The following SNAP91 variants were observed in gnomAD, a reference collection of about 807,000 sequenced individuals.
The protein encoded by SNAP91 is clathrin coat assembly protein AP180.
SNAP91 carries 27 observed loss-of-function variants against 100.3 expected under a neutral mutation model. That is an observed-to-expected ratio of 0.27 (90% confidence interval 0.20 to 0.37). The LOEUF (loss-of-function observed/expected upper bound fraction) is 0.37. SNAP91 is among the 10% of genes least tolerant of loss of function. SNAP91 has a pLI of 1.00. For synonymous variants in SNAP91, 404 were observed against 398.6 expected, an observed-to-expected ratio of 1.01 and a Z score of -0.16; for missense variants, 986 against 1,123.7, an observed-to-expected ratio of 0.88 and a Z score of 1.75.
chr6:83,627,310 C>CT (rs950811630), intron 8 of SNAP91, among the ~76,000 whole-genome samples: 72 of 151,568 alleles, frequency 4.8e-4, no homozygotes, highest in Non-Finnish European at 9.3e-4. Flanking sequence ...TTGTAGTTTT[C>CT]TTTTTTTTGT....
intron 2 of SNAP91, among the ~76,000 whole-genome samples, chr6:83,683,987 G>A (rs2099026814): frequency 1.3e-5 from 2 of 152,172 alleles, no homozygotes; most frequent in Non-Finnish European, 2.9e-5. Flanking sequence ...ACTATCTTCT[G>A]TGAGGATCAC....
intron 16 of SNAP91, among the ~76,000 whole-genome samples, chr6:83,599,199 T>C (rs773804658): frequency 5.3e-5 from 8 of 152,168 alleles, no homozygotes; most frequent in Non-Finnish European, 1.0e-4. Context: ...AAAAACAGCA[T>C]AATGGCATGA....
At chr6:83,608,823 G>C (rs558312869) in intron 12 of SNAP91, among the ~76,000 whole-genome samples, 67 of 152,278 alleles carry the variant, frequency 4.4e-4, no homozygotes, top group Admixed American at 1.4e-3. Context: ...CAAGCATTTA[G>C]CACTTCAAGA....
At chr6:83,675,569 A>G (rs897350042) in intron 2 of SNAP91, among the ~76,000 whole-genome samples, 6 of 152,118 alleles carry the variant, frequency 3.9e-5, no homozygotes, top group East Asian at 1.9e-4. Flanking sequence ...TTGTTCCCCA[A>G]TAGGATTTTG....
chr6:83,640,703 A>G (rs1696147817), intron 8 of SNAP91, among the ~76,000 whole-genome samples: 2 of 152,184 alleles, frequency 1.3e-5, no homozygotes. Context: ...ATGATTTATC[A>G]TTTACATGCT....
intron 2 of SNAP91, among the ~76,000 whole-genome samples, chr6:83,689,151 T>C (rs1039325024): frequency 7.9e-5 from 12 of 152,054 alleles, no homozygotes; most frequent in Admixed American, 5.2e-4. Flanking sequence ...TCTGCAACAT[T>C]AGGGACAAAG....
chr6:83,594,259 T>C (rs563847792), intron 17 of SNAP91, 115 bp downstream of exon 17: 1 of 757,090 alleles, frequency 1.3e-6, no homozygotes, highest in South Asian at 1.6e-5. Flanking sequence ...TTATGATGAA[T>C]GATACTTTAC....
chr6:83,609,203 A>G (rs528354926), intron 12 of SNAP91, among the ~76,000 whole-genome samples: 5 of 152,300 alleles, frequency 3.3e-5, no homozygotes, highest in Admixed American at 6.5e-5. Flanking sequence ...ACAGAACCCA[A>G]ATAATCTGTT....
intron 26 of SNAP91, among the ~76,000 whole-genome samples, chr6:83,566,370 T>TA (rs1326666519): frequency 6.6e-6 from 1 of 152,150 alleles, no homozygotes; most frequent in Non-Finnish European, 1.5e-5. Context: ...TTTATCTCAA[T>TA]AAAAATTTTT....
intron 7 of SNAP91, among the ~76,000 whole-genome samples, chr6:83,650,878 C>A (rs2098173351): frequency 6.6e-6 from 1 of 152,182 alleles, no homozygotes; most frequent in East Asian, 1.9e-4. Flanking sequence ...ACCAGTAAAC[C>A]CATGTGGGCC....
chr6:83,593,562 C>T lies in SNAP91; in HGVS notation c.1612G>A (p.Ala538Thr). 1 of 1,555,440 alleles carries T rather than the reference C, an allele frequency of 6.4e-7. No individual in the cohort carries two copies. Among genetic ancestry groups the T allele is most frequent in the Non-Finnish European group, 8.7e-7 (1 of 1,148,680 alleles). ...GTGGTGGTGGCAGCGGCGGTGGCAGCAGTAGTGGCAGCAGCAGCAGCTGCA... is the reference window on the plus strand; with the variant it reads ...GTGGTGGTGGCAGCGGCGGTGGCAGTAGTAGTGGCAGCAGCAGCAGCTGCA... Reference protein sequence around the residue: ...AVAAAAAATTAATAAATTTTT... With the variant: ...AVAAAAAATTTATAAATTTTT... The change falls in exon 18 of 30, where the codon GCT becomes ACT. Residue 538 changes from alanine (A) to threonine (T), a missense_variant. Physicochemically the swap from Ala to Thr is moderately conservative, Grantham distance 58 (BLOSUM62 0). Around this residue, in one of 4 missense-constraint regions of SNAP91, gnomAD observed 575 missense variants for 579.9 expected, o/e 0.99. Transcript: ENST00000369694.
intron 22 of SNAP91, among the ~76,000 whole-genome samples, chr6:83,585,549 A>C (rs894251052): frequency 6.6e-6 from 1 of 151,614 alleles, no homozygotes; most frequent in Admixed American, 6.6e-5. Flanking sequence ...AAAAAAAAGA[A>C]AGGTGCTCTA....
chr6:83,657,171 T>A (rs1466201441), intron 6 of SNAP91, among the ~76,000 whole-genome samples: 1 of 152,222 alleles, frequency 6.6e-6, no homozygotes, highest in Non-Finnish European at 1.5e-5. Context: ...TTTGTTACTT[T>A]TACTGTTATG....
intron 22 of SNAP91, among the ~76,000 whole-genome samples, chr6:83,585,380 G>A (rs1179929932): frequency 6.6e-6 from 1 of 151,874 alleles, no homozygotes; most frequent in East Asian, 1.9e-4. Flanking sequence ...ATATAAATTA[G>A]CCAGGGGGCA....
chr6:83,671,314 T>A (rs1360267117), intron 2 of SNAP91, among the ~76,000 whole-genome samples: 1 of 152,134 alleles, frequency 6.6e-6, no homozygotes, highest in Non-Finnish European at 1.5e-5. Flanking sequence ...CTTGCCAATA[T>A]TGAGAAATAT....
rs578134811 is a variant in SNAP91 at position 83,557,736 on chromosome 6, G to T, written c.2632-1491C>A. Among the ~76,000 whole-genome samples the T allele has an allele frequency of 2.0e-5, 3 of 151,904 alleles. No individual in the cohort carries two copies. The South Asian group carries it at 6.3e-4, about 32-fold the overall frequency. On this transcript the variant is annotated intron_variant, in intron 28 of 29. Transcript: ENST00000369694. Reference sequence around the variant, plus strand: ...AAACCTGGGATCTGTTTCATAGAGAGAGATATATATATAAATAAAGTAAGG... The same window carrying T: ...AAACCTGGGATCTGTTTCATAGAGATAGATATATATATAAATAAAGTAAGG...
At chr6:83,655,827 C>A (rs2098389808) in intron 7 of SNAP91, among the ~76,000 whole-genome samples, 1 of 152,086 alleles carries the variant, frequency 6.6e-6, no homozygotes, top group Non-Finnish European at 1.5e-5. Flanking sequence ...CTTTTTCTTT[C>A]CCATTTCTCC....
In SNAP91 at chr6:83,605,692, T is replaced by G. The variant is rs1430565835; in HGVS notation, c.1134A>C (p.Ala378=). The change falls in exon 14 of 30, where the codon GCA becomes GCC. Residue 378 remains alanine (A), a synonymous_variant. Coordinates refer to ENST00000369694, the MANE Select transcript of SNAP91 (RefSeq NM_001242792.2). ...TTGTCTGGTTTTACTCACCTCCCCA[T>G]GCAGTGGCTCCTCCAGCAGGTGGTG... ...APPPPAGGAT[A]WGDLLGEDSL... is the part of the protein sequence containing the mutation. 1 of 1,552,084 alleles carries G rather than the reference T, an allele frequency of 6.4e-7. No homozygotes were observed. Among genetic ancestry groups the G allele is most frequent in the East Asian group, 2.4e-5 (1 of 40,936 alleles).
chr6:83,622,963 C>T (rs2096789263), intron 9 of SNAP91, among the ~76,000 whole-genome samples: 1 of 152,066 alleles, frequency 6.6e-6, no homozygotes, highest in African/African-American at 2.4e-5. Context: ...TTCTGATTAT[C>T]AGGCCTAGAA....
Sources: allele counts gnomAD v4.1 joint callset (sites outside exome capture counted in the v4.1 genomes callset), GRCh38; gene constraint gnomAD v4.1.1; regional missense constraint gnomAD v4.1.1; transcripts MANE v1.5; gene names NCBI Gene and HGNC (gene_info 2026-07-23, HGNC 2026-07-21).